COL4A6: variants seen among roughly 807,000 people sequenced by gnomAD.
COL4A6 encodes the protein collagen alpha-6(IV) chain.
Under a neutral mutation model 126.7 loss-of-function variants are expected in COL4A6, and 59 were observed. The ratio of observed to expected loss-of-function variants is 0.47; its 90% confidence interval spans 0.38 to 0.58. The LOEUF (loss-of-function observed/expected upper bound fraction) is 0.58, where lower values mean the gene tolerates loss of function less well. Among genes scored for constraint, COL4A6 ranks in the 20% least tolerant of loss-of-function variants. The pLI, the probability that COL4A6 is intolerant of heterozygous loss-of-function variation, is 0.00. For synonymous variants in COL4A6, 547 were observed against 496.6 expected (o/e 1.10, Z -1.35); for missense variants, 1,285 against 1,337.3 (o/e 0.96, Z 0.61).
chrX:108,342,262 A>G (rs1348256693), intron 2 of COL4A6, among the ~76,000 whole-genome samples: 1 of 112,247 alleles, frequency 8.9e-6, no homozygotes, highest in Non-Finnish European at 1.9e-5. Context: ...GGCTTCCCAC[A>G]TGGATTTTCC....
chrX:108,416,894 GA>G (rs1306628557), intron 2 of COL4A6, among the ~76,000 whole-genome samples: 1 of 111,861 alleles, frequency 8.9e-6, no homozygotes, highest in African/African-American at 3.2e-5. Flanking sequence ...CACACTTAGA[GA>G]AGAGTCAAGA....
rs2295916 is a variant in COL4A6, at chrX:108,187,557, A to G, written c.1768-278T>C. 0.051 allele frequency among the ~76,000 whole-genome samples: 5,697 copies of G among 111,752 alleles called. 213 individuals are homozygous for G. Among genetic ancestry groups the G allele is most frequent in the African/African-American group, 0.12 (3,608 of 30,629 alleles). On this transcript the variant is annotated intron_variant, in intron 22 of 44. Coordinates refer to ENST00000334504, the MANE Select transcript of COL4A6 (RefSeq NM_033641.4). ...ATAATAACAACCCCAGAGATCACAG[A>G]AAGTGGCTAGATTACTTGAGGAGAA...
Position 108,289,506 on chromosome X carries a change from T to C in COL4A6, c.144+21242A>G, listed in dbSNP as rs190547581. Among the ~76,000 whole-genome samples the C allele has an allele frequency of 3.6e-5, 4 of 111,509 alleles. No individual in the cohort carries two copies. In the East Asian group the frequency reaches 1.1e-3, roughly 31 times the overall value. On this transcript the variant is annotated intron_variant, in intron 3 of 44. Coordinates refer to ENST00000334504, the MANE Select transcript of COL4A6 (RefSeq NM_033641.4). ...TTTGAAAATGTTCAAATTAAAAAGT[T>C]GGCAGGAAAACAAAAGGCTTGTGCC...
Position 108,176,888 on chromosome X carries a change from G to T in COL4A6, c.2639C>A (p.Pro880Gln), listed in dbSNP as rs2034512555. The T allele has an allele frequency of 2.5e-6, 3 of 1,210,214 alleles. No individual in the cohort carries two copies. The highest frequency in any genetic ancestry group is 3.4e-6 in the Non-Finnish European group (3 of 895,344). Reference protein sequence around the residue: ...NPGLVGLKGSPGSPGVAGLPA... With the variant: ...NPGLVGLKGSQGSPGVAGLPA... ...CAACCCAGCGACCCCTGGAGAGCCT[G>T]GGCTTCCTTTCAGTCCTACTAGGCC... The change falls in exon 28 of 45, where the codon CCA becomes CAA. Residue 880 changes from proline (P) to glutamine (Q), a missense_variant. By Grantham distance (76) the Pro-to-Gln change is moderately conservative. Coordinates refer to ENST00000334504, the MANE Select transcript of COL4A6 (RefSeq NM_033641.4).
chrX:108,221,708 T>G (rs978645001), intron 3 of COL4A6, among the ~76,000 whole-genome samples: 6 of 112,740 alleles, frequency 5.3e-5, no homozygotes, highest in Non-Finnish European at 9.4e-5. Context: ...ATTGTCAAAA[T>G]AGTGAAAGAA....
At chrX:108,258,964 G>A (rs2037082588) in intron 3 of COL4A6, among the ~76,000 whole-genome samples, 1 of 110,874 alleles carries the variant, frequency 9.0e-6, no homozygotes, top group Admixed American at 9.6e-5. Context: ...CTTAGATATT[G>A]CCTGACAGTG....
chrX:108,353,372 C>T (rs1463535573), intron 2 of COL4A6, among the ~76,000 whole-genome samples: 1 of 112,308 alleles, frequency 8.9e-6, no homozygotes, highest in African/African-American at 3.2e-5. Context: ...TCATTTCTGC[C>T]TCTGGGAGGC....
chrX:108,264,082 G>T, intron 3 of COL4A6, among the ~76,000 whole-genome samples: 1 of 111,228 alleles, frequency 9.0e-6, no homozygotes, highest in East Asian at 2.9e-4. Context: ...TGTTTCTAGG[G>T]ATAGTACTTA....
At chrX:108,328,588 A>G (rs1014734003) in intron 2 of COL4A6, among the ~76,000 whole-genome samples, 6 of 112,330 alleles carry the variant, frequency 5.3e-5, no homozygotes, top group African/African-American at 1.9e-4. Context: ...TTTTCCACAA[A>G]TATTTCAGGG....
At chrX:108,420,841 T>C (rs2063971294) in intron 2 of COL4A6, among the ~76,000 whole-genome samples, 1 of 111,511 alleles carries the variant, frequency 9.0e-6, no homozygotes, top group African/African-American at 3.3e-5. Context: ...TCCTTCATAA[T>C]AGTGTTGACG....
At chrX:108,418,904 G>A (rs1377667940) in intron 2 of COL4A6, among the ~76,000 whole-genome samples, 1 of 112,309 alleles carries the variant, frequency 8.9e-6, no homozygotes, top group Non-Finnish European at 1.9e-5. Flanking sequence ...GACCACCCGT[G>A]TGACATTTGG....
chrX:108,236,865 C>T (rs1244392108), intron 3 of COL4A6, among the ~76,000 whole-genome samples: 1 of 111,536 alleles, frequency 9.0e-6, no homozygotes, highest in African/African-American at 3.3e-5. Flanking sequence ...CACTCTTTTC[C>T]CTTCTGAAAC....
At chrX:108,186,671 A>G (rs984060247) in intron 23 of COL4A6, among the ~76,000 whole-genome samples, 1 of 111,770 alleles carries the variant, frequency 8.9e-6, no homozygotes, top group African/African-American at 3.3e-5. Context: ...CCAATCTGAG[A>G]TTCCATGAGT....
chrX:108,178,189 G>A (rs964397258), intron 27 of COL4A6, among the ~76,000 whole-genome samples: 2 of 112,596 alleles, frequency 1.8e-5, no homozygotes, highest in African/African-American at 6.4e-5. Flanking sequence ...CTGCAAACAC[G>A]AGTCTGGAAG....
intron 3 of COL4A6, among the ~76,000 whole-genome samples, chrX:108,230,364 T>A (rs1263652194): frequency 8.9e-6 from 1 of 112,061 alleles, no homozygotes; most frequent in East Asian, 2.8e-4. Flanking sequence ...TCTCATTTGC[T>A]AGGAGCAAAA....
intron 3 of COL4A6, among the ~76,000 whole-genome samples, chrX:108,287,647 T>C (rs2038044859): frequency 8.9e-6 from 1 of 111,811 alleles, no homozygotes; most frequent in Non-Finnish European, 1.9e-5. Context: ...TCCTTTTGGG[T>C]AGTTCTTTCC....
chrX:108,188,621 C>T lies in COL4A6; in HGVS notation c.1483G>A (p.Glu495Lys), dbSNP rs1311288972. 8.4e-7 allele frequency: 1 copy of T among 1,196,189 alleles called. No homozygotes were observed. Among genetic ancestry groups the T allele is most frequent in the Non-Finnish European group, 1.1e-6 (1 of 887,905 alleles). ...GGVPNTGPPGEPGPPGPWGLI... is the reference protein window; with the variant it reads ...GGVPNTGPPGKPGPPGPWGLI... ...CCCCATGGACCAGGTGGGCCTGGTT[C>T]CCCGGGTGGTCCAGTGTTGGGAACA... Residue 495 changes from glutamate to lysine, a missense_variant, in exon 21 of 45, where the codon GAA (glutamate) becomes AAA (lysine). Glu to Lys is a moderately conservative substitution (Grantham distance 56). Transcript: ENST00000334504.
intron 3 of COL4A6, among the ~76,000 whole-genome samples, chrX:108,231,583 G>C (rs1376060190): frequency 9.0e-6 from 1 of 111,576 alleles, no homozygotes; most frequent in Non-Finnish European, 1.9e-5. Flanking sequence ...AGAGATTAAG[G>C]AACTTGCCTG....
At chrX:108,183,544 G>T (rs2034751686) in intron 23 of COL4A6, among the ~76,000 whole-genome samples, 1 of 111,734 alleles carries the variant, frequency 8.9e-6, no homozygotes, top group South Asian at 3.8e-4. Context: ...GTGCTAAGGA[G>T]CCTCTGAAGC....
Sources: gnomAD v4.1 joint callset for allele counts (sites outside exome capture counted in the v4.1 genomes callset) on GRCh38, gnomAD v4.1.1 for gene constraint, MANE v1.5 for transcripts, NCBI Gene and HGNC (gene_info 2026-07-23, HGNC 2026-07-21) for gene names.